The following ROR1 variants were observed in gnomAD, a reference collection of about 807,000 sequenced individuals.
The protein encoded by ROR1 is ROR family WNT receptor 1.
Under a neutral mutation model 78.8 loss-of-function variants are expected in ROR1, and 19 were observed. The observed-to-expected ratio is 0.24, with a 90% CI of 0.17 to 0.35. The LOEUF (loss-of-function observed/expected upper bound fraction) is 0.35. Ranked by LOEUF, ROR1 falls within the 10% of genes least tolerant of loss-of-function variation. The pLI is 1.00. For missense variants in ROR1, 917 were observed against 1,177.8 expected, an observed-to-expected ratio of 0.78 and a Z score of 3.24; for synonymous variants, 386 against 433.6, an observed-to-expected ratio of 0.89 and a Z score of 1.36.
At chr1:64,137,134 A>G (rs1250673196) in intron 4 of ROR1, among the ~76,000 whole-genome samples, 1 of 152,136 alleles carries the variant, frequency 6.6e-6, no homozygotes, top group Non-Finnish European at 1.5e-5. Context: ...TTTCTCCCAT[A>G]TTTAAGGATG....
At chr1:63,955,320 A>T (rs948640957) in intron 1 of ROR1, among the ~76,000 whole-genome samples, 3 of 152,156 alleles carry the variant, frequency 2.0e-5, no homozygotes, top group Admixed American at 1.3e-4. Context: ...TTGCTAATAT[A>T]AGCATAAATT....
chr1:64,137,627 A>C (rs944169410), intron 5 of ROR1, 131 bp downstream of exon 5: 18 of 769,782 alleles, frequency 2.3e-5, no homozygotes, highest in Non-Finnish European at 3.5e-5. Flanking sequence ...ATAAAAAAGC[A>C]TGAGACATGA....
intron 1 of ROR1, among the ~76,000 whole-genome samples, chr1:63,908,678 T>C (rs1031839278): frequency 6.6e-6 from 1 of 152,232 alleles, no homozygotes; most frequent in East Asian, 1.9e-4. Flanking sequence ...TCTCCCCTGA[T>C]AGGCTTATCC....
At chr1:64,001,784 T>C (rs1341803623) in intron 1 of ROR1, among the ~76,000 whole-genome samples, 1 of 152,164 alleles carries the variant, frequency 6.6e-6, no homozygotes, top group Non-Finnish European at 1.5e-5. Context: ...GGGCTACATC[T>C]TGGATTATTA....
Position 64,049,823 on chromosome 1 carries a change from T to A in ROR1, c.296T>A (p.Val99Asp). ...TGGTTCAAAAATGATGCTCCTGTGG[T>A]CCAGGAGCCCCGGAGGCTCTCCTTT... is the stretch of plus-strand genomic sequence containing the variant. Reference protein sequence around the residue: ...IRWFKNDAPVVQEPRRLSFRS... With the variant: ...IRWFKNDAPVDQEPRRLSFRS... The change falls in exon 3 of 9, where the codon GTC becomes GAC. Residue 99 changes from valine (V) to aspartate (D), a missense_variant. This residue lies in a region of ROR1 where 835 missense variants were observed against 1,069.8 expected (regional missense o/e 0.78). Transcript: ENST00000371079. The A allele has an allele frequency of 6.2e-7, 1 of 1,614,166 alleles. No homozygotes were observed. The highest frequency in any genetic ancestry group is 8.5e-7 in the Non-Finnish European group (1 of 1,180,030).
intron 1 of ROR1, among the ~76,000 whole-genome samples, chr1:63,876,989 A>G (rs536522160): frequency 2.0e-5 from 3 of 152,162 alleles, no homozygotes; most frequent in Admixed American, 6.6e-5. Context: ...CTGGTATGCC[A>G]TGTGCATTGT....
chr1:63,843,656 G>GAC (rs1386317668), intron 1 of ROR1: 1 of 581,652 alleles, frequency 1.7e-6, no homozygotes, highest in Non-Finnish European at 3.4e-6. Context: ...ACATGTTCAT[G>GAC]ACACCATCAG....
intron 4 of ROR1, among the ~76,000 whole-genome samples, chr1:64,071,476 A>G (rs1419273158): frequency 6.6e-6 from 1 of 152,174 alleles, no homozygotes; most frequent in Non-Finnish European, 1.5e-5. Context: ...ATAAATAAAC[A>G]GGATAAATGG....
chr1:63,784,526 C>A (rs1383617991), intron 1 of ROR1, among the ~76,000 whole-genome samples: 1 of 152,160 alleles, frequency 6.6e-6, no homozygotes, highest in Admixed American at 6.5e-5. Flanking sequence ...TTTCTGTAAC[C>A]TGGGAAAATT....
intron 1 of ROR1, among the ~76,000 whole-genome samples, chr1:63,898,416 AAAAG>A (rs1253237188): frequency 6.6e-6 from 1 of 152,026 alleles, no homozygotes; most frequent in East Asian, 1.9e-4. Context: ...AGGAAAGAAT[AAAAG>A]AAGAAGAAAC....
At chr1:63,815,847 G>A (rs766510693) in intron 1 of ROR1, among the ~76,000 whole-genome samples, 40 of 152,070 alleles carry the variant, frequency 2.6e-4, no homozygotes, top group Admixed American at 9.8e-4. Flanking sequence ...ACAGTCCTGG[G>A]GTGGGGGACC....
At chr1:63,841,971 A>AT (rs1314540382) in intron 1 of ROR1, among the ~76,000 whole-genome samples, 1 of 152,086 alleles carries the variant, frequency 6.6e-6, no homozygotes, top group Non-Finnish European at 1.5e-5. Flanking sequence ...TTATTATCTC[A>AT]TCCCCAGCAC....
Position 64,175,339 on chromosome 1 carries a change from C to T in ROR1, c.1387-2089C>T, listed in dbSNP as rs111837754. Among the ~76,000 whole-genome samples the T allele has an allele frequency of 5.3e-3, 806 of 152,204 alleles. 8 individuals carry two copies. Among genetic ancestry groups the T allele is most frequent in the African/African-American group, 0.017 (714 of 41,540 alleles). On this transcript the variant is annotated intron_variant, in intron 8 of 8. Transcript: ENST00000371079. ...CTGAGCAAAGGATTTTGCAGACCTT[C>T]CCATACCAGTACATACGAAACGTCC... is the stretch of plus-strand genomic sequence containing the variant.
At chr1:63,782,812 T>A (rs1327779345) in intron 1 of ROR1, among the ~76,000 whole-genome samples, 1 of 152,146 alleles carries the variant, frequency 6.6e-6, no homozygotes, top group African/African-American at 2.4e-5. Flanking sequence ...GGGTGGCCTT[T>A]ACCCTTGGGG....
intron 1 of ROR1, among the ~76,000 whole-genome samples, chr1:63,819,101 G>C (rs149673810): frequency 2.1e-4 from 32 of 152,226 alleles, no homozygotes; most frequent in African/African-American, 5.8e-4. Context: ...CAGTTTCCAG[G>C]GGGTGGGGAG....
chr1:63,886,095 G>A lies in ROR1; in HGVS notation c.91+111587G>A, dbSNP rs979764943. Among the ~76,000 whole-genome samples the A allele has an allele frequency of 5.3e-5, 8 of 152,080 alleles. No homozygotes were observed. The East Asian group carries it at 5.8e-4, about 11-fold the overall frequency. The stretch of plus-strand genomic sequence containing the variant: ...AAGGAGCATGCAACCTAGATCCCTC[G>A]CATGCGCAGTTCACAGTAGAGTTCA... On this transcript the variant is annotated intron_variant, in intron 1 of 8. Coordinates refer to ENST00000371079, the MANE Select transcript of ROR1 (RefSeq NM_005012.4).
At chr1:63,841,641 A>G (rs971074385) in intron 1 of ROR1, among the ~76,000 whole-genome samples, 4 of 152,212 alleles carry the variant, frequency 2.6e-5, no homozygotes, top group Non-Finnish European at 5.9e-5. Context: ...CTGGATTAGC[A>G]TTACACAAGT....
intron 1 of ROR1, among the ~76,000 whole-genome samples, chr1:63,997,687 T>C (rs1056224712): frequency 8.6e-5 from 13 of 151,982 alleles, no homozygotes; most frequent in African/African-American, 2.9e-4. Flanking sequence ...ATGTTAAGAC[T>C]CACCTAGGGA....
intron 4 of ROR1, among the ~76,000 whole-genome samples, chr1:64,052,916 G>A (rs1646844947): frequency 6.6e-6 from 1 of 151,198 alleles, no homozygotes; most frequent in Non-Finnish European, 1.5e-5. Flanking sequence ...CACTTCCCCT[G>A]TCTCTAGGAG....
Sources: allele counts gnomAD v4.1 joint callset (sites outside exome capture counted in the v4.1 genomes callset), GRCh38; gene constraint gnomAD v4.1.1; regional missense constraint gnomAD v4.1.1; transcripts MANE v1.5; gene names NCBI Gene and HGNC (gene_info 2026-07-23, HGNC 2026-07-21).